CAMK4: variants seen among roughly 807,000 people sequenced by gnomAD.
The protein encoded by CAMK4 is calcium/calmodulin dependent protein kinase IV, also known as calcium/calmodulin-dependent protein kinase type IV.
In CAMK4, 22 loss-of-function variants were observed where a neutral mutation model predicts 44.9. The ratio of observed to expected loss-of-function variants is 0.49; its 90% CI spans 0.35 to 0.70. The LOEUF (loss-of-function observed/expected upper bound fraction) is 0.70, where lower values mean the gene tolerates loss of function less well. Among genes scored for constraint, CAMK4 ranks in the 30% least tolerant of loss-of-function variants. The pLI is 0.01. For synonymous variants in CAMK4, 218 were observed against 215.4 expected, an observed-to-expected ratio of 1.01 and a Z score of -0.11; for missense variants, 498 against 586.8, an observed-to-expected ratio of 0.85 and a Z score of 1.56.
At chr5:111,323,038 A>G (rs1748727366) in intron 1 of CAMK4, among the ~76,000 whole-genome samples, 1 of 152,154 alleles carries the variant, frequency 6.6e-6, no homozygotes, top group South Asian at 2.1e-4. Context: ...TAAATGGAAT[A>G]TATGTCTCAG....
At chr5:111,259,940 C>T (rs11241112) in intron 1 of CAMK4, among the ~76,000 whole-genome samples, 34,540 of 151,990 alleles carry the variant, frequency 0.23, 4,564 homozygotes, top group African/African-American at 0.36. Flanking sequence ...TGTTTCTGAA[C>T]GCTTTAGAAG....
At position 111,484,348 on chromosome 5, in the gene CAMK4, G is replaced by A. The variant is rs1309345941; in HGVS notation, c.1304G>A (p.Gly435Asp). 1.9e-6 allele frequency: 3 copies of A among 1,612,880 alleles called. No individual in the cohort carries two copies. Among genetic ancestry groups the A allele is most frequent in the Non-Finnish European group, 2.5e-6 (3 of 1,179,512 alleles). ...GTGGCTGACCTGGAACTAGAGGAGG[G>A]CCTAGCAGAGGAGAAGCTGAAGACT... ...IKVADLELEE[G>D]LAEEKLKTVE... The change falls in exon 11 of 11, where the codon GGC becomes GAC. Residue 435 changes from glycine (G) to aspartate (D), a missense_variant. Around this residue, in one of 3 missense-constraint regions of CAMK4, gnomAD observed 143 missense variants for 144.9 expected, o/e 0.99. Coordinates refer to ENST00000282356, the MANE Select transcript of CAMK4 (RefSeq NM_001744.6). This position sits in a 1 kb window ranked among gnomAD's most constrained non-coding sequence, Gnocchi z 5.3.
intron 1 of CAMK4, among the ~76,000 whole-genome samples, chr5:111,314,695 G>A (rs980924866): frequency 6.6e-6 from 1 of 151,968 alleles, no homozygotes; most frequent in African/African-American, 2.4e-5. Flanking sequence ...TCTTGAATAT[G>A]ATTGAAAACC....
intron 1 of CAMK4, among the ~76,000 whole-genome samples, chr5:111,259,586 T>C (rs2112558683): frequency 6.6e-6 from 1 of 152,320 alleles, no homozygotes; most frequent in South Asian, 2.1e-4. Flanking sequence ...TGAATTCTTT[T>C]ATCCAGGCAA....
At chr5:111,319,458 T>A (rs1244033886) in intron 1 of CAMK4, among the ~76,000 whole-genome samples, 1 of 152,198 alleles carries the variant, frequency 6.6e-6, no homozygotes, top group Non-Finnish European at 1.5e-5. Flanking sequence ...TTTGTTGGGT[T>A]GTTGTGATTA....
intron 2 of CAMK4, among the ~76,000 whole-genome samples, chr5:111,360,314 G>A (rs1029028553): frequency 2.0e-5 from 3 of 152,044 alleles, no homozygotes; most frequent in Non-Finnish European, 4.4e-5. Flanking sequence ...ACCCAGGGAA[G>A]CGTGGTGAGC....
At chr5:111,408,714 T>C (rs978520720) in intron 5 of CAMK4, among the ~76,000 whole-genome samples, 2 of 152,182 alleles carry the variant, frequency 1.3e-5, no homozygotes, top group African/African-American at 4.8e-5. Flanking sequence ...CTTCTGCCTA[T>C]GAGGCTATAA....
chr5:111,318,845 TC>T (rs745422883), intron 1 of CAMK4, among the ~76,000 whole-genome samples: 15 of 152,324 alleles, frequency 9.8e-5, no homozygotes, highest in Admixed American at 7.8e-4. Flanking sequence ...TATAATTTTA[TC>T]AGTCTTATGA....
intron 1 of CAMK4, among the ~76,000 whole-genome samples, chr5:111,230,622 A>G (rs1315991837): frequency 6.6e-6 from 1 of 151,852 alleles, no homozygotes; most frequent in Non-Finnish European, 1.5e-5. Flanking sequence ...GGAGAACTTG[A>G]AAGAGAGAGA....
chr5:111,309,815 C>T (rs1405299086), intron 1 of CAMK4, among the ~76,000 whole-genome samples: 1 of 152,132 alleles, frequency 6.6e-6, no homozygotes, highest in African/African-American at 2.4e-5. Context: ...GGACTTTAGA[C>T]TTGGAATTCA....
intron 1 of CAMK4, among the ~76,000 whole-genome samples, chr5:111,241,850 C>T (rs2112519891): frequency 6.6e-6 from 1 of 152,324 alleles, no homozygotes; most frequent in Non-Finnish European, 1.5e-5. Flanking sequence ...CTTGCTGTTA[C>T]AGAGCGGAGC....
At position 111,224,413 on chromosome 5, in the gene CAMK4, G is replaced by C. The variant is rs569750472; in HGVS notation, c.-71G>C. On this transcript the variant is annotated 5_prime_UTR_variant, in exon 1 of 11. Coordinates refer to ENST00000282356, the MANE Select transcript of CAMK4 (RefSeq NM_001744.6). The surrounding 1 kb of genome is among the most constrained non-coding windows in gnomAD (Gnocchi z 5.7). ...CTCGCTCCTGCGTTCGCAGGCGGCG[G>C]CTGGCGGCCGGCTTCTCGCTCGGGC... is the stretch of plus-strand genomic sequence containing the variant. 6.7e-7 allele frequency: 1 copy of C among 1,489,976 alleles called. No individual in the cohort carries two copies. Among genetic ancestry groups the C allele is most frequent in the East Asian group, 2.8e-5 (1 of 35,850 alleles). The allele number at this position is 1,489,976 out of a possible 1,614,324, so 92.3% of individuals were successfully genotyped here. A position where few individuals can be genotyped will look rare whatever the true frequency, so the allele number is the denominator to read the frequency against.
At chr5:111,315,085 A>G (rs1289012811) in intron 1 of CAMK4, among the ~76,000 whole-genome samples, 1 of 152,130 alleles carries the variant, frequency 6.6e-6, no homozygotes, top group Non-Finnish European at 1.5e-5. Context: ...TTATTGCCGA[A>G]TTAGCTGGAA....
chr5:111,281,104 A>G (rs1328887188), intron 1 of CAMK4, among the ~76,000 whole-genome samples: 2 of 152,206 alleles, frequency 1.3e-5, no homozygotes, highest in African/African-American at 2.4e-5. Flanking sequence ...TCTGTTTTCT[A>G]TAACAGTATT....
At chr5:111,275,413 A>G (rs1252593889) in intron 1 of CAMK4, among the ~76,000 whole-genome samples, 2 of 152,112 alleles carry the variant, frequency 1.3e-5, no homozygotes, top group South Asian at 2.1e-4. Context: ...ATTACAATGC[A>G]TACTTATTGG....
intron 5 of CAMK4, among the ~76,000 whole-genome samples, chr5:111,401,230 C>T (rs761990160): frequency 1.2e-4 from 18 of 152,124 alleles, no homozygotes; most frequent in Non-Finnish European, 2.5e-4. Context: ...GCTCTGCCTC[C>T]TGGGTTCAAG....
At chr5:111,316,130 A>G (rs2112681971) in intron 1 of CAMK4, among the ~76,000 whole-genome samples, 2 of 152,292 alleles carry the variant, frequency 1.3e-5, no homozygotes, top group South Asian at 4.1e-4. Context: ...GGGCTTTCCA[A>G]TAATTTCTAA....
intron 1 of CAMK4, among the ~76,000 whole-genome samples, chr5:111,324,292 TTATC>T (rs928302674): frequency 6.6e-6 from 1 of 151,928 alleles, no homozygotes; most frequent in African/African-American, 2.4e-5. Flanking sequence ...AGTTTCAAGA[TTATC>T]TATAGGAGAT....
At chr5:111,298,574 G>T (rs73786883) in intron 1 of CAMK4, among the ~76,000 whole-genome samples, 6,721 of 152,226 alleles carry the variant, frequency 0.044, 498 homozygotes, top group African/African-American at 0.15. Flanking sequence ...CCTGCATAAC[G>T]GGGAGCCACT....
Sources: allele counts gnomAD v4.1 joint callset (sites outside exome capture counted in the v4.1 genomes callset), GRCh38; gene constraint gnomAD v4.1.1; regional missense constraint gnomAD v4.1.1; non-coding constraint Gnocchi (gnomAD v3.1); transcripts MANE v1.5; gene names NCBI Gene and HGNC (gene_info 2026-07-23, HGNC 2026-07-21).